The following TSHZ3 variants were observed in gnomAD, a reference collection of about 807,000 sequenced individuals.
The protein encoded by TSHZ3 is teashirt zinc finger homeobox 3.
A neutral mutation model predicts 64.5 loss-of-function variants in TSHZ3; 10 were observed. The observed-to-expected ratio is 0.16, with a 90% confidence interval of 0.10 to 0.26. The LOEUF (loss-of-function observed/expected upper bound fraction) is 0.26, where lower values mean the gene tolerates loss of function less well. TSHZ3 is among the 10% of genes least tolerant of loss of function. The pLI is 1.00. For synonymous variants in TSHZ3, 608 were observed against 593.1 expected, an observed-to-expected ratio of 1.03 and a Z score of -0.36; for missense variants, 1,242 against 1,421.7, an observed-to-expected ratio of 0.87 and a Z score of 2.03.
At chr19:31,273,498 C>T (rs1976175189), downstream of TSHZ3, among the ~76,000 whole-genome samples, 5 of 152,194 alleles carry the variant, frequency 3.3e-5, no homozygotes, top group South Asian at 1.0e-3. Flanking sequence ...TCCACCGTCA[C>T]TCGTACAAAT....
intron 4 of TSHZ3, among the ~76,000 whole-genome samples, chr19:31,217,879 T>C (rs77162864): frequency 0.018 from 2,800 of 152,268 alleles, 69 homozygotes; most frequent in East Asian, 0.076. Context: ...TTTTGCCTTT[T>C]CCAGAATGTC....
At position 31,276,579 on chromosome 19, in the gene TSHZ3, G is replaced by A; in HGVS notation, c.3214C>T (p.Leu1072Phe). ...KTHGKSPEDH[L>F]LYVSELEKQ ...TTCTCTAACTCAGAGACATACAGAA[G>A]GTGGTCTTCCGGAGATTTCCCGTGT... Residue 1072 changes from leucine (L) to phenylalanine (F), a missense_variant, in exon 2 of 2, where the codon CTT becomes TTT. Leu to Phe is a conservative substitution (Grantham distance 22). Around this residue, in one of 4 missense-constraint regions of TSHZ3, gnomAD observed 126 missense variants for 140.6 expected, o/e 0.90. Coordinates refer to ENST00000240587, the MANE Select transcript of TSHZ3 (RefSeq NM_020856.4). 1 of 1,580,954 alleles carries A rather than the reference G, an allele frequency of 6.3e-7. No homozygotes were observed. Among genetic ancestry groups the A allele is most frequent in the Non-Finnish European group, 8.6e-7 (1 of 1,159,186 alleles).
upstream of TSHZ3, chr19:31,349,494 G>A: frequency 2.8e-6 from 1 of 362,210 alleles, no homozygotes; most frequent in Non-Finnish European, 4.9e-6. Context: ...AGGAGGCAGA[G>A]GAGGAGGAGG....
intron 4 of TSHZ3, among the ~76,000 whole-genome samples, chr19:31,206,333 A>G (rs1027396971): frequency 1.3e-5 from 2 of 152,024 alleles, no homozygotes; most frequent in African/African-American, 2.4e-5. Context: ...GGATAGATGG[A>G]TGAGAGAATG....
chr19:31,213,390 A>AAAAAAAC (rs1173876714), intron 4 of TSHZ3, among the ~76,000 whole-genome samples: 1 of 146,782 alleles, frequency 6.8e-6, no homozygotes, highest in Non-Finnish European at 1.5e-5. Context: ...AAAAAAAAAA[A>AAAAAAAC]ATCAGTGGTG....
intron 1 of TSHZ3, among the ~76,000 whole-genome samples, chr19:31,337,452 T>C (rs919220249): frequency 6.6e-6 from 1 of 152,220 alleles, no homozygotes; most frequent in Admixed American, 6.5e-5. Flanking sequence ...TTTACAATTG[T>C]TCCTGCAAAT....
At chr19:31,206,757 G>A (rs1206403110) in intron 4 of TSHZ3, among the ~76,000 whole-genome samples, 3 of 152,082 alleles carry the variant, frequency 2.0e-5, no homozygotes, top group South Asian at 2.1e-4. Context: ...TTTTCAATAA[G>A]CATTAATTTA....
chr19:31,291,628 C>T (rs570584877), intron 1 of TSHZ3, among the ~76,000 whole-genome samples: 1 of 152,310 alleles, frequency 6.6e-6, no homozygotes, highest in Admixed American at 6.5e-5. Context: ...CTGCCTCAGA[C>T]AAATCTTCAG....
At chr19:31,226,464 G>GTGCCTTT (rs1446943191) in intron 4 of TSHZ3, among the ~76,000 whole-genome samples, 2 of 152,242 alleles carry the variant, frequency 1.3e-5, no homozygotes, top group East Asian at 3.9e-4. Flanking sequence ...TATGTAAGGT[G>GTGCCTTT]TGCCTTTTGC....
chr19:31,301,112 G>T (rs930858539), intron 1 of TSHZ3, among the ~76,000 whole-genome samples: 6 of 151,822 alleles, frequency 4.0e-5, no homozygotes, highest in Admixed American at 2.6e-4. Flanking sequence ...TCCCCCCTCG[G>T]CTACAATAGG....
intron 5 of TSHZ3, among the ~76,000 whole-genome samples, chr19:31,172,586 C>A (rs189551654): frequency 6.6e-6 from 1 of 152,304 alleles, no homozygotes; most frequent in East Asian, 1.9e-4. Flanking sequence ...GGAAAACAAT[C>A]CCTATACTTT....
chr19:31,208,689 T>A (rs1242093820), intron 4 of TSHZ3, among the ~76,000 whole-genome samples: 1 of 152,198 alleles, frequency 6.6e-6, no homozygotes. Flanking sequence ...CAGCTGGTTT[T>A]ATGTAGGGGC....
At position 31,278,024 on chromosome 19, in the gene TSHZ3, G is replaced by A. The variant is rs774826864; in HGVS notation, c.1769C>T (p.Thr590Ile). ...CTGGCTGCTGGGTGGAGAGACCAGG[G>A]TCTGGTTTTTCGTCGGGGAGACAAT... Reference protein sequence around the residue: ...SEIVSPTKNQTLVSPPSSQTS... With the variant: ...SEIVSPTKNQILVSPPSSQTS... Residue 590 changes from threonine to isoleucine, a missense_variant, in exon 2 of 2, where the codon ACC (threonine) becomes ATC (isoleucine). Thr to Ile is a moderately conservative substitution (Grantham distance 89, BLOSUM62 -1). Transcript: ENST00000240587. The surrounding 1 kb of genome is among the most constrained non-coding windows in gnomAD (Gnocchi z 4.7). The A allele has an allele frequency of 3.7e-6, 6 of 1,613,612 alleles. No homozygotes were observed. The South Asian group carries it at 4.4e-5, about 12-fold the overall frequency.
chr19:31,244,819 A>G (rs1400582943), intron 1 of TSHZ3, among the ~76,000 whole-genome samples: 1 of 151,978 alleles, frequency 6.6e-6, no homozygotes, highest in Non-Finnish European at 1.5e-5. Context: ...AATTTTTGAA[A>G]TTTTTGTAGA....
chr19:31,327,090 C>T (rs1269716363), intron 1 of TSHZ3, among the ~76,000 whole-genome samples: 40 of 151,974 alleles, frequency 2.6e-4, no homozygotes, highest in Admixed American at 2.6e-3. Context: ...AAAAAAAAAA[C>T]CAGCAGAGGA....
intron 1 of TSHZ3, among the ~76,000 whole-genome samples, chr19:31,263,171 A>G (rs1216963808): frequency 6.6e-6 from 1 of 152,200 alleles, no homozygotes; most frequent in Non-Finnish European, 1.5e-5. Context: ...CCTCTGAGCC[A>G]GGACTTGGAG....
intron 1 of TSHZ3, among the ~76,000 whole-genome samples, chr19:31,331,185 C>A (rs1028176486): frequency 1.3e-5 from 2 of 152,092 alleles, no homozygotes; most frequent in Non-Finnish European, 2.9e-5. Flanking sequence ...AGAGGGCACG[C>A]GGGGAATGTG....
intron 1 of TSHZ3, among the ~76,000 whole-genome samples, chr19:31,336,137 G>A (rs1208006026): frequency 6.6e-6 from 1 of 152,194 alleles, no homozygotes. Flanking sequence ...AAATAAAAGA[G>A]TAGATCTGTT....
At chr19:31,256,711 C>T (rs1184736212) in intron 1 of TSHZ3, among the ~76,000 whole-genome samples, 1 of 152,218 alleles carries the variant, frequency 6.6e-6, no homozygotes, top group African/African-American at 2.4e-5. Context: ...GTGACGGCTC[C>T]TGACGGAGGG....
Sources: allele counts gnomAD v4.1 joint callset (sites outside exome capture counted in the v4.1 genomes callset), GRCh38; gene constraint gnomAD v4.1.1; regional missense constraint gnomAD v4.1.1; non-coding constraint Gnocchi (gnomAD v3.1); transcripts MANE v1.5; gene names NCBI Gene and HGNC (gene_info 2026-07-23, HGNC 2026-07-21).